SIN3B: variants seen among roughly 807,000 people sequenced by gnomAD.
SIN3B encodes SIN3 transcription regulator family member B.
SIN3B carries 19 observed loss-of-function variants against 120.2 expected under a neutral mutation model. The observed-to-expected ratio is 0.16, with a 90% CI of 0.11 to 0.23. The LOEUF is 0.23. Among genes scored for constraint, SIN3B ranks in the 10% least tolerant of loss-of-function variants. The probability of loss-of-function intolerance (pLI) is 1.00; values close to 1 mark genes in which losing one functional copy is unlikely to be tolerated. For synonymous variants in SIN3B, 654 were observed against 653.2 expected (o/e 1.00, Z -0.02); for missense variants, 1,073 against 1,573.0 (o/e 0.68, Z 5.38).
intron 17 of SIN3B, 84 bp downstream of exon 17, chr19:16,877,723 T>A: frequency 4.2e-6 from 4 of 962,154 alleles, no homozygotes; most frequent in African/African-American, 1.6e-5. Context: ...GGCTGGACCA[T>A]GGCACACTGT....
intron 14 of SIN3B, among the ~76,000 whole-genome samples, chr19:16,873,671 C>A (rs1410777463): frequency 6.6e-6 from 1 of 152,216 alleles, no homozygotes; most frequent in Non-Finnish European, 1.5e-5. Context: ...AACAACTCCT[C>A]TAGAACCTGT....
chr19:16,867,831 A>G (rs1568423994), intron 12 of SIN3B, among the ~76,000 whole-genome samples: 2 of 151,944 alleles, frequency 1.3e-5, no homozygotes, highest in African/African-American at 4.8e-5. Context: ...CCCACCCACA[A>G]CCACTCTGGC....
At chr19:16,847,521 G>A (rs951331112) in intron 5 of SIN3B, among the ~76,000 whole-genome samples, 1 of 152,226 alleles carries the variant, frequency 6.6e-6, no homozygotes. Context: ...GACTGATCTG[G>A]GGCTCCAGCA....
intron 3 of SIN3B, among the ~76,000 whole-genome samples, chr19:16,835,126 A>G (rs967012266): frequency 5.3e-5 from 8 of 151,104 alleles, no homozygotes; most frequent in Admixed American, 1.3e-4. Flanking sequence ...GGGTTTCTCC[A>G]TATTGGTCAG....
At chr19:16,856,068 T>C (rs748635623) in intron 8 of SIN3B, among the ~76,000 whole-genome samples, 3 of 152,096 alleles carry the variant, frequency 2.0e-5, no homozygotes, top group Admixed American at 6.6e-5. Context: ...AAAAAATATA[T>C]GTATATATAT....
In SIN3B at chr19:16,877,235, T is replaced by C. The variant is rs1236277856; in HGVS notation, c.2860-310T>C. 4 of 402,392 alleles carry C rather than the reference T, an allele frequency of 9.9e-6. No individual in the cohort carries two copies. The Admixed American group carries it at 1.2e-4, about 12-fold the overall frequency. 24.9% of individuals were successfully genotyped at this position (402,392 alleles called of 1,614,324 possible). On this transcript the variant is annotated intron_variant, in intron 16 of 18. Coordinates refer to ENST00000248054, the MANE Select transcript of SIN3B (RefSeq NM_001297595.2). ...GGAGGTCAGCAGTCCACAACCACAG[T>C]GTGGGCCGGGCGGTGCTCCTGCCAA...
At chr19:16,845,332 G>A (rs1266793296) in intron 4 of SIN3B, among the ~76,000 whole-genome samples, 9 of 152,282 alleles carry the variant, frequency 5.9e-5, no homozygotes, top group Middle Eastern at 3.4e-3. Flanking sequence ...GAGTGCAGTG[G>A]CGCAATCTCG....
rs560207137 is a variant in SIN3B, at chr19:16,877,996, G to A, written c.2955-187G>A. Among the ~76,000 whole-genome samples, 16 of 152,262 alleles carry A rather than the reference G, an allele frequency of 1.1e-4. No homozygotes were observed. In the South Asian group the frequency reaches 3.3e-3, roughly 32 times the overall value. On this transcript the variant is annotated intron_variant, in intron 17 of 18. Coordinates refer to ENST00000248054, the MANE Select transcript of SIN3B (RefSeq NM_001297595.2). Reference sequence around the variant, plus strand: ...GGTCGGGCTAGGATGGCACCTATGGGACCAGTGGGGGCTGCTGGTGGGTGT... The same window carrying A: ...GGTCGGGCTAGGATGGCACCTATGGAACCAGTGGGGGCTGCTGGTGGGTGT...
At chr19:16,849,245 G>A (rs11879590) in intron 5 of SIN3B, among the ~76,000 whole-genome samples, 68,063 of 152,054 alleles carry the variant, frequency 0.45, 15,430 homozygotes, top group Non-Finnish European at 0.48. Context: ...TCAGAGGTTG[G>A]CAAACCTTCT....
intron 4 of SIN3B, chr19:16,846,585 C>A (rs1019368995): frequency 1.5e-4 from 25 of 170,554 alleles, no homozygotes; most frequent in African/African-American, 5.7e-4. Flanking sequence ...CCAGTAGGTG[C>A]CTCGGCCTGG....
At chr19:16,841,637 C>G (rs1971417992) in intron 3 of SIN3B, 131 bp from the exon 4 acceptor site, 1 of 832,106 alleles carries the variant, frequency 1.2e-6, no homozygotes, top group Admixed American at 2.4e-5. Context: ...AGTAACCTTT[C>G]CCTGTCTCTA....
chr19:16,848,062 A>G (rs934375598), intron 5 of SIN3B, among the ~76,000 whole-genome samples: 3 of 152,202 alleles, frequency 2.0e-5, no homozygotes. Flanking sequence ...AGGTTTATCC[A>G]TGTCGTACCG....
At chr19:16,877,835 G>T (rs368799077) in intron 17 of SIN3B, among the ~76,000 whole-genome samples, 196 bp downstream of exon 17, 1 of 152,188 alleles carries the variant, frequency 6.6e-6, no homozygotes, top group African/African-American at 2.4e-5. Flanking sequence ...GGACGGTGAG[G>T]TGTAGGAGGG....
chr19:16,839,640 A>T (rs1477683954), intron 3 of SIN3B, among the ~76,000 whole-genome samples: 1 of 152,042 alleles, frequency 6.6e-6, no homozygotes, highest in South Asian at 2.1e-4. Context: ...TCTGCCATCA[A>T]ACCTGTGCAC....
intron 4 of SIN3B, among the ~76,000 whole-genome samples, chr19:16,845,488 G>C (rs913655121): frequency 6.6e-6 from 1 of 152,164 alleles, no homozygotes; most frequent in Non-Finnish European, 1.5e-5. Flanking sequence ...GGCTAGGCTG[G>C]TCTTGAACTC....
At position 16,865,461 on chromosome 19, in the gene SIN3B, G is replaced by A. The variant is rs1971755168; in HGVS notation, c.1435G>A (p.Val479Met). 6 of 1,613,214 alleles carry A rather than the reference G, an allele frequency of 3.7e-6. No individual in the cohort carries two copies. Among genetic ancestry groups the A allele is most frequent in the Non-Finnish European group, 5.1e-6 (6 of 1,179,432 alleles). The change falls in exon 11 of 19, where the codon GTG (valine) becomes ATG (methionine). Residue 479 changes from valine (V) to methionine (M), a missense_variant. Val to Met is a conservative substitution (Grantham distance 21, BLOSUM62 1). Transcript: ENST00000248054. ...NLATIRVLES[V>M]QKKLSRMAPE... ...GGCCACAATCCGTGTGTTGGAAAGT[G>A]TGCAGAAGAAGCTGTCTCGGATGGC...
In SIN3B at chr19:16,862,319, A is replaced by T; in HGVS notation, c.1059-33A>T. ...AGATCCCTCTCAGAAGGCCCTGGGG[A>T]TGACCAGTTACCATGTGTCTTTATC... is the stretch of plus-strand genomic sequence containing the variant. On this transcript the variant is annotated intron_variant, in intron 8 of 18. Transcript: ENST00000248054. This position sits in a 1 kb window ranked among gnomAD's most constrained non-coding sequence, Gnocchi z 4.7. The T allele has an allele frequency of 1.3e-6, 2 of 1,573,826 alleles. No individual in the cohort carries two copies. The highest frequency in any genetic ancestry group is 1.1e-5 in the South Asian group (1 of 89,648).
intron 3 of SIN3B, among the ~76,000 whole-genome samples, chr19:16,836,695 A>G (rs1156366117): frequency 2.6e-5 from 4 of 152,158 alleles, no homozygotes; most frequent in Non-Finnish European, 5.9e-5. Context: ...TGGTGGGAAC[A>G]TGGCCGCTCT....
intron 3 of SIN3B, among the ~76,000 whole-genome samples, chr19:16,836,272 C>T (rs1387852887): frequency 6.6e-6 from 1 of 152,142 alleles, no homozygotes; most frequent in Non-Finnish European, 1.5e-5. Flanking sequence ...GGCAGAGTTG[C>T]TCAGGTTGAG....
Sources: allele counts gnomAD v4.1 joint callset (sites outside exome capture counted in the v4.1 genomes callset), GRCh38; gene constraint gnomAD v4.1.1; non-coding constraint Gnocchi (gnomAD v3.1); transcripts MANE v1.5; gene names NCBI Gene and HGNC (gene_info 2026-07-23, HGNC 2026-07-21).